CFTR: variants seen among roughly 807,000 people sequenced by gnomAD.
CFTR encodes the protein CF transmembrane conductance regulator.
Under a neutral mutation model 171.6 loss-of-function variants are expected in CFTR, and 181 were observed. That is an observed-to-expected ratio of 1.05 (90% CI 0.93 to 1.19). The LOEUF (loss-of-function observed/expected upper bound fraction) is 1.19. CFTR is among the 50% of genes most tolerant of loss of function. The pLI is 0.00. For synonymous variants in CFTR, 583 were observed against 608.0 expected, an observed-to-expected ratio of 0.96 and a Z score of 0.60; for missense variants, 1,968 against 1,734.7, an observed-to-expected ratio of 1.13 and a Z score of -2.39.
chr7:117,573,875 A>G (rs1791730946), intron 11 of CFTR, among the ~76,000 whole-genome samples: 1 of 152,140 alleles, frequency 6.6e-6, no homozygotes, highest in African/African-American at 2.4e-5. Context: ...TCTTAATTCC[A>G]ATGAATGATT....
rs764314119 is a variant in CFTR at position 117,587,779 on chromosome 7, G to A, written c.1625G>A (p.Gly542Glu). The A allele has an allele frequency of 1.9e-6, 3 of 1,612,276 alleles. No individual in the cohort carries two copies. In the Admixed American group the frequency reaches 5.0e-5, roughly 27 times the overall value. The change falls in exon 12 of 27, where the codon GGA becomes GAA. Residue 542 changes from glycine to glutamate, a missense_variant. Gly to Glu is a moderately conservative substitution (Grantham distance 98, BLOSUM62 -2). Coordinates refer to ENST00000003084, the MANE Select transcript of CFTR (RefSeq NM_000492.4). ...GCAGAGAAAGACAATATAGTTCTTG[G>A]AGAAGGTGGAATCACACTGAGTGGA... ...KFAEKDNIVL[G>E]EGGITLSGGQ...
intron 7 of CFTR, among the ~76,000 whole-genome samples, chr7:117,537,713 T>G (rs1798979940): frequency 6.6e-6 from 1 of 152,248 alleles, no homozygotes; most frequent in Admixed American, 6.5e-5. Context: ...CAAACATTAT[T>G]GCTCACCTGT....
intron 7 of CFTR, among the ~76,000 whole-genome samples, chr7:117,538,736 A>G (rs1362693487): frequency 9.0e-6 from 1 of 111,514 alleles, no homozygotes; most frequent in Non-Finnish European, 1.7e-5. Flanking sequence ...GGGAAGAGTG[A>G]CTTGCTTAAG....
At chr7:117,594,841 T>A in intron 14 of CFTR, 89 bp from the exon 15 acceptor site, 1 of 1,146,122 alleles carries the variant, frequency 8.7e-7, no homozygotes, top group Non-Finnish European at 1.3e-6. Context: ...GTAATACTAT[T>A]CTTTTATTTT....
chr7:117,588,990 A>AGATC (rs1453089853), intron 12 of CFTR, among the ~76,000 whole-genome samples: 3 of 152,110 alleles, frequency 2.0e-5, no homozygotes, highest in African/African-American at 4.8e-5. Flanking sequence ...AATTCCACAA[A>AGATC]TTTAGATAAG....
At chr7:117,665,335 T>C (rs1471513981) in intron 25 of CFTR, 124 bp from the exon 26 acceptor site, 10 of 675,850 alleles carry the variant, frequency 1.5e-5, no homozygotes, top group Non-Finnish European at 2.6e-5. Context: ...ATCAACATTA[T>C]GTGAAAAGAA....
intron 2 of CFTR, 99 bp from the exon 3 acceptor site, chr7:117,508,934 CT>C (rs2116641080): frequency 2.5e-6 from 2 of 809,182 alleles, no homozygotes; most frequent in South Asian, 2.7e-5. Context: ...GGTTAATCTC[CT>C]TGGATATACT....
intron 18 of CFTR, among the ~76,000 whole-genome samples, chr7:117,608,961 G>A (rs1398397975): frequency 6.6e-6 from 1 of 152,052 alleles, no homozygotes; most frequent in African/African-American, 2.4e-5. Flanking sequence ...AGATTTTTAT[G>A]TGTAAAATAC....
chr7:117,504,915 G>C (rs1019654769), intron 2 of CFTR, among the ~76,000 whole-genome samples: 1 of 151,994 alleles, frequency 6.6e-6, no homozygotes, highest in Non-Finnish European at 1.5e-5. Context: ...TCTTATTAGA[G>C]ACCATGAGAT....
At chr7:117,664,630 G>A (rs1396361360) in intron 24 of CFTR, 58 bp from the exon 25 acceptor site, 1 of 1,490,580 alleles carries the variant, frequency 6.7e-7, no homozygotes, top group Non-Finnish European at 9.4e-7. Flanking sequence ...TTTTTAGAAT[G>A]TCAACTGCTT....
intron 19 of CFTR, among the ~76,000 whole-genome samples, chr7:117,610,982 T>C (rs1419621058): frequency 6.6e-6 from 1 of 152,162 alleles, no homozygotes; most frequent in Non-Finnish European, 1.5e-5. Context: ...AGGATAGTGC[T>C]GCTATTACTA....
intron 1 of CFTR, among the ~76,000 whole-genome samples, chr7:117,499,412 A>G (rs1006920954): frequency 1.5e-5 from 2 of 131,440 alleles, no homozygotes; most frequent in African/African-American, 6.7e-5. Flanking sequence ...AAGAAATGAA[A>G]TTTACTATAG....
rs1427342468 is a variant in CFTR, at chr7:117,527,977, C to G, written c.274-2922C>G. Among the ~76,000 whole-genome samples, 2 of 109,118 alleles carry G rather than the reference C, an allele frequency of 1.8e-5. 1 individual carries two copies. Among genetic ancestry groups the G allele is most frequent in the Admixed American group, 2.2e-4 (2 of 9,184 alleles). 71.6% of individuals were successfully genotyped at this position (109,118 alleles called of 152,430 possible). On this transcript the variant is annotated intron_variant, in intron 3 of 26. Transcript: ENST00000003084. ...CAGATTCAATGCCATCCCCATCAAG[C>G]TACCAATGACTTTCTTCATAGAATT...
intron 22 of CFTR, 161 bp downstream of exon 22, chr7:117,627,931 T>C (rs887647810): frequency 1.3e-6 from 1 of 765,154 alleles, no homozygotes. Context: ...TTATTTTTAA[T>C]ATGAAATTTA....
intron 15 of CFTR, among the ~76,000 whole-genome samples, chr7:117,601,649 T>G (rs533622842): frequency 1.9e-4 from 29 of 152,310 alleles, no homozygotes; most frequent in African/African-American, 7.0e-4. Flanking sequence ...CCAAAATTGT[T>G]TTACTCACAA....
At chr7:117,587,370 T>G (rs1374637548) in intron 11 of CFTR, among the ~76,000 whole-genome samples, 1 of 152,144 alleles carries the variant, frequency 6.6e-6, no homozygotes, top group Non-Finnish European at 1.5e-5. Flanking sequence ...GAACTTAAAT[T>G]GGAGAAAAGT....
chr7:117,660,425 A>C (rs1793254271), intron 24 of CFTR, among the ~76,000 whole-genome samples: 1 of 152,112 alleles, frequency 6.6e-6, no homozygotes, highest in African/African-American at 2.4e-5. Flanking sequence ...TGAGGTCAGG[A>C]GTTCAAGACC....
chr7:117,657,969 G>A (rs1793209750), intron 24 of CFTR, among the ~76,000 whole-genome samples: 2 of 152,178 alleles, frequency 1.3e-5, no homozygotes, highest in African/African-American at 2.4e-5. Flanking sequence ...CTAGCTGGAA[G>A]GCTTAGAACA....
At chr7:117,659,093 G>A (rs1366352384) in intron 24 of CFTR, among the ~76,000 whole-genome samples, 1 of 152,154 alleles carries the variant, frequency 6.6e-6, no homozygotes, top group African/African-American at 2.4e-5. Flanking sequence ...TAAAGCACAT[G>A]TGCTTTCTGT....
Sources: gnomAD v4.1 joint callset for allele counts (sites outside exome capture counted in the v4.1 genomes callset) on GRCh38, gnomAD v4.1.1 for gene constraint, MANE v1.5 for transcripts, NCBI Gene and HGNC (gene_info 2026-07-23, HGNC 2026-07-21) for gene names.